Variants in SCG3 observed in about 807,000 individuals in gnomAD.
SCG3 encodes secretogranin III, also known as secretogranin-3.
A neutral mutation model predicts 56.2 loss-of-function variants in SCG3; 38 were observed. The observed-to-expected ratio is 0.68, with a 90% CI of 0.52 to 0.89. The LOEUF (loss-of-function observed/expected upper bound fraction) is 0.89, where lower values mean the gene tolerates loss of function less well. Ranked by LOEUF, SCG3 falls within the 40% of genes least tolerant of loss-of-function variation. SCG3 has a pLI of 0.00. For missense variants in SCG3, 524 were observed against 540.7 expected (o/e 0.97, Z 0.31); for synonymous variants, 176 against 184.2 (o/e 0.96, Z 0.36).
intron 7 of SCG3, chr15:51,693,835 A>G (rs2055284504): frequency 6.6e-6 from 1 of 152,174 alleles, no homozygotes; most frequent in South Asian, 2.1e-4. Flanking sequence ...ATCTTGCCCC[A>G]TTGGTTGGCA....
intron 7 of SCG3, among the ~76,000 whole-genome samples, chr15:51,692,798 A>T (rs2055276117): frequency 6.6e-6 from 1 of 152,234 alleles, no homozygotes; most frequent in African/African-American, 2.4e-5. Flanking sequence ...ACATTTATAC[A>T]TTGTGAAATG....
Position 51,720,245 on chromosome 15 carries a change from G to A in SCG3, c.*719G>A, listed in dbSNP as rs1357430052. ...GGTCATAAACACTGCATAAAGCAAG[G>A]CAAAAATGTATGCCACATCTCAGTT... On this transcript the variant is annotated 3_prime_UTR_variant, in exon 12 of 12. Transcript: ENST00000220478. 1.3e-5 allele frequency: 2 copies of A among 152,212 alleles called. No homozygotes were observed. The highest frequency in any genetic ancestry group is 2.9e-5 in the Non-Finnish European group (2 of 68,046). 9.4% of individuals were successfully genotyped at this position (152,212 alleles called of 1,614,324 possible). A position where few individuals can be genotyped will look rare whatever the true frequency, so the allele number is the denominator to read the frequency against.
chr15:51,709,689 A>T (rs368959424), intron 10 of SCG3, among the ~76,000 whole-genome samples: 9 of 14,466 alleles, frequency 6.2e-4, no homozygotes, highest in Non-Finnish European at 1.2e-3. Context: ...ATATATATAT[A>T]TATATATATA....
intron 8 of SCG3, 109 bp from the exon 9 acceptor site, chr15:51,699,210 T>A: frequency 1.3e-6 from 1 of 756,214 alleles, no homozygotes; most frequent in Non-Finnish European, 2.3e-6. Flanking sequence ...AGTGTTAATA[T>A]TTTGGAGTTG....
At chr15:51,696,097 C>G in intron 8 of SCG3, 106 bp downstream of exon 8, 1 of 734,656 alleles carries the variant, frequency 1.4e-6, no homozygotes, top group East Asian at 2.5e-5. Flanking sequence ...TATGCCAAAG[C>G]TTTCCAAATC....
chr15:51,711,847 A>C (rs2055422876), intron 10 of SCG3, among the ~76,000 whole-genome samples: 1 of 152,154 alleles, frequency 6.6e-6, no homozygotes, highest in African/African-American at 2.4e-5. Context: ...TTTGTGTAGT[A>C]GTCTCTGTGC....
At chr15:51,696,806 G>T (rs1268950488) in intron 8 of SCG3, among the ~76,000 whole-genome samples, 1 of 152,066 alleles carries the variant, frequency 6.6e-6, no homozygotes, top group Non-Finnish European at 1.5e-5. Flanking sequence ...CCAAGGAGAT[G>T]GTGCTAAACC....
At chr15:51,690,703 A>C (rs1374248837) in intron 6 of SCG3, among the ~76,000 whole-genome samples, 8 of 152,122 alleles carry the variant, frequency 5.3e-5, no homozygotes, top group Non-Finnish European at 1.2e-4. Context: ...TCTGAGCTAA[A>C]ATGGACACAG....
Position 51,719,615 on chromosome 15 carries a change from G to C in SCG3, c.*89G>C. Reference sequence around the variant, plus strand: ...TCTAATTCTGTGATTAAAATTTTTTGACCCAAGGGTTATTAGAAAGTGCTG... The same window carrying C: ...TCTAATTCTGTGATTAAAATTTTTTCACCCAAGGGTTATTAGAAAGTGCTG... On this transcript the variant is annotated 3_prime_UTR_variant, in exon 12 of 12. Transcript: ENST00000220478. 3 of 926,520 alleles carry C rather than the reference G, an allele frequency of 3.2e-6. No homozygotes were observed. The highest frequency in any genetic ancestry group is 5.2e-5 in the East Asian group (2 of 38,426). The allele number at this position is 926,520 out of a possible 1,614,324, so 57.4% of individuals were successfully genotyped here.
chr15:51,683,660 AT>A (rs1055685468), intron 4 of SCG3, among the ~76,000 whole-genome samples: 1 of 152,058 alleles, frequency 6.6e-6, no homozygotes, highest in African/African-American at 2.4e-5. Context: ...CTCTGAAAAC[AT>A]TTTTTAATCT....
chr15:51,709,930 G>T (rs1257006403), intron 10 of SCG3, among the ~76,000 whole-genome samples: 1 of 140,386 alleles, frequency 7.1e-6, no homozygotes, highest in African/African-American at 2.7e-5. Context: ...TAGAGACGGG[G>T]TTTCACCATG....
At chr15:51,701,469 G>C (rs111400254) in intron 10 of SCG3, among the ~76,000 whole-genome samples, 1,869 of 152,290 alleles carry the variant, frequency 0.012, 40 homozygotes, top group African/African-American at 0.043. Context: ...ATAGTCTTTA[G>C]TGTTCAATGG....
At position 51,719,538 on chromosome 15, in the gene SCG3, G is replaced by T. The variant is rs1180179873; in HGVS notation, c.*12G>T. The T allele has an allele frequency of 1.3e-6, 2 of 1,546,064 alleles. No homozygotes were observed. The highest frequency in any genetic ancestry group is 2.7e-5 in the African/African-American group (2 of 73,292). On this transcript the variant is annotated 3_prime_UTR_variant, in exon 12 of 12. Coordinates refer to ENST00000220478, the MANE Select transcript of SCG3 (RefSeq NM_013243.4). ...ATAGCAGCCTGTAAAAATGGCAAAA[G>T]ATCCAGGAGTCTTTCAACTGTTTCA...
Position 51,692,154 on chromosome 15 carries a change from T to C in SCG3, c.691-5T>C, listed in dbSNP as rs2055271453. ...TCATTTTTTATTGATTTTTCCCCAC[T>C]GGAGACTCCAATGGCAGCAATTCAA... On this transcript the variant is annotated splice_region_variant and splice_polypyrimidine_tract_variant and intron_variant, in intron 6 of 11. Coordinates refer to ENST00000220478, the MANE Select transcript of SCG3 (RefSeq NM_013243.4). 1.2e-6 allele frequency: 2 copies of C among 1,600,582 alleles called. No homozygotes were observed. The highest frequency in any genetic ancestry group is 2.7e-5 in the African/African-American group (2 of 74,158).
At chr15:51,702,542 C>G (rs1208677852) in intron 10 of SCG3, among the ~76,000 whole-genome samples, 1 of 152,178 alleles carries the variant, frequency 6.6e-6, no homozygotes, top group African/African-American at 2.4e-5. Context: ...CAGGTGTGAG[C>G]CACCGTGCTC....
At chr15:51,711,607 T>C (rs865981122) in intron 10 of SCG3, among the ~76,000 whole-genome samples, 5 of 152,358 alleles carry the variant, frequency 3.3e-5, no homozygotes, top group South Asian at 2.1e-4. Flanking sequence ...TCTAACTGAA[T>C]TAATTTGAAA....
intron 7 of SCG3, chr15:51,693,492 G>T (rs1274687039): frequency 6.6e-6 from 1 of 152,094 alleles, no homozygotes; most frequent in African/African-American, 2.4e-5. Context: ...GCTCATATGT[G>T]CAGTGAGTTA....
At chr15:51,713,544 C>A (rs1400184182) in intron 11 of SCG3, 131 bp downstream of exon 11, 2 of 548,840 alleles carry the variant, frequency 3.6e-6, no homozygotes, top group Non-Finnish European at 6.5e-6. Context: ...CTGAAGTCAC[C>A]TGTCAGATAC....
intron 11 of SCG3, among the ~76,000 whole-genome samples, chr15:51,718,579 G>A (rs932403746): frequency 3.9e-5 from 6 of 152,096 alleles, no homozygotes; most frequent in African/African-American, 4.8e-5. Context: ...AGAAAGCAGC[G>A]TTCTGTCTAG....
Sources: gnomAD v4.1 joint callset for allele counts (sites outside exome capture counted in the v4.1 genomes callset) on GRCh38, gnomAD v4.1.1 for gene constraint, MANE v1.5 for transcripts, NCBI Gene and HGNC (gene_info 2026-07-23, HGNC 2026-07-21) for gene names.